Variants in PTK2 observed in about 807,000 individuals in gnomAD.
PTK2 encodes protein tyrosine kinase 2.
PTK2 carries 45 observed loss-of-function variants against 150.1 expected under a neutral mutation model. That is an observed-to-expected ratio of 0.30 (90% CI 0.24 to 0.38). The LOEUF is 0.38. Among genes scored for constraint, PTK2 ranks in the 10% least tolerant of loss-of-function variants. The pLI, the probability that PTK2 is intolerant of heterozygous loss-of-function variation, is 1.00. For synonymous variants in PTK2, 432 were observed against 449.2 expected (o/e 0.96, Z 0.48); for missense variants, 919 against 1,307.3 (o/e 0.70, Z 4.58).
intron 3 of PTK2, among the ~76,000 whole-genome samples, chr8:140,882,272 G>A (rs78380642): frequency 0.013 from 1,909 of 152,228 alleles, 20 homozygotes; most frequent in Non-Finnish European, 0.021. Flanking sequence ...ATAATTCTGA[G>A]AACTACGTAT....
chr8:140,891,590 C>T (rs77340531), intron 2 of PTK2, among the ~76,000 whole-genome samples: 4,161 of 152,208 alleles, frequency 0.027, 188 homozygotes, highest in African/African-American at 0.094. Flanking sequence ...CCTTCAGAGC[C>T]TGAAGAGACA....
intron 1 of PTK2, among the ~76,000 whole-genome samples, chr8:140,958,842 T>C (rs1035097345): frequency 6.6e-6 from 1 of 152,262 alleles, no homozygotes; most frequent in Non-Finnish European, 1.5e-5. Flanking sequence ...AATATATTTC[T>C]ATTAAACACC....
At chr8:140,675,654 G>T (rs2100013186) in intron 27 of PTK2, 155 bp from the exon 31 acceptor site, 1 of 604,304 alleles carries the variant, frequency 1.7e-6, no homozygotes, top group Middle Eastern at 3.3e-4. Context: ...GTCTCAGTTG[G>T]GGTGGGGGAT....
At chr8:140,900,522 G>A (rs2100158017) in intron 2 of PTK2, among the ~76,000 whole-genome samples, 1 of 152,114 alleles carries the variant, frequency 6.6e-6, no homozygotes. Context: ...AGGAGTTCAT[G>A]ACCAGCCTCA....
chr8:140,878,792 A>C (rs2100147170), intron 4 of PTK2, among the ~76,000 whole-genome samples: 1 of 151,820 alleles, frequency 6.6e-6, no homozygotes, highest in Non-Finnish European at 1.5e-5. Flanking sequence ...TACCTCTCAC[A>C]AATGTATTTT....
chr8:140,661,201 TAAG>T (rs2079321399), intron 31 of PTK2, among the ~76,000 whole-genome samples: 2 of 152,170 alleles, frequency 1.3e-5, no homozygotes, highest in African/African-American at 2.4e-5. Context: ...AAGAGATTTT[TAAG>T]AAGGAGAATG....
At chr8:140,890,211 T>C (rs1213071761) in intron 3 of PTK2, 1 of 222,524 alleles carries the variant, frequency 4.5e-6, no homozygotes, top group Non-Finnish European at 8.8e-6. Context: ...GTAGTTTATT[T>C]CATGACTGTT....
chr8:140,927,975 A>AAAAT, intron 1 of PTK2, among the ~76,000 whole-genome samples: 6 of 48,186 alleles, frequency 1.2e-4, no homozygotes, highest in African/African-American at 4.9e-4. Context: ...AAAAAAAAAA[A>AAAAT]ATATATATAT....
At chr8:140,963,761 A>G (rs921354743) in intron 1 of PTK2, among the ~76,000 whole-genome samples, 2 of 152,184 alleles carry the variant, frequency 1.3e-5, no homozygotes, top group African/African-American at 4.8e-5. Context: ...GGGGCATCAA[A>G]GCATACCTTC....
intron 1 of PTK2, among the ~76,000 whole-genome samples, chr8:140,993,558 T>C (rs1424312082): frequency 6.6e-6 from 1 of 152,150 alleles, no homozygotes; most frequent in Non-Finnish European, 1.5e-5. Flanking sequence ...CATAAAACTG[T>C]TAAGCTCTTT....
chr8:140,756,124 G>GACC (rs1411149943), intron 16 of PTK2, among the ~76,000 whole-genome samples: 1 of 151,250 alleles, frequency 6.6e-6, no homozygotes, highest in Non-Finnish European at 1.5e-5. Context: ...CAGGAGTTTA[G>GACC]ACCAGCCTAG....
At chr8:140,664,868 C>T in intron 31 of PTK2, 49 bp downstream of exon 35, 1 of 1,561,694 alleles carries the variant, frequency 6.4e-7, no homozygotes, top group Non-Finnish European at 8.8e-7. Context: ...TGAATGTGTC[C>T]CTGCCCAGTG....
chr8:140,846,915 T>C (rs545303269), intron 5 of PTK2, among the ~76,000 whole-genome samples: 1 of 152,264 alleles, frequency 6.6e-6, no homozygotes, highest in East Asian at 1.9e-4. Context: ...ACCTTTCATA[T>C]AGTTTACATT....
intron 5 of PTK2, among the ~76,000 whole-genome samples, chr8:140,863,933 T>C (rs1041607852): frequency 2.0e-5 from 3 of 152,248 alleles, no homozygotes; most frequent in Non-Finnish European, 4.4e-5. Context: ...TTATTGTCTA[T>C]CTAATGCCTT....
At chr8:140,954,765 C>G (rs1433903734) in intron 1 of PTK2, 16 of 152,190 alleles carry the variant, frequency 1.1e-4, no homozygotes, top group Admixed American at 9.8e-4. Flanking sequence ...CACAATAACT[C>G]TGAAGAAATC....
intron 22 of PTK2, among the ~76,000 whole-genome samples, chr8:140,722,941 G>A (rs1198648369): frequency 6.6e-6 from 1 of 152,146 alleles, no homozygotes; most frequent in Non-Finnish European, 1.5e-5. Context: ...GTTCTCATCA[G>A]GCAATGTTAT....
chr8:140,851,344 A>C (rs2100129175), intron 5 of PTK2, among the ~76,000 whole-genome samples: 1 of 152,244 alleles, frequency 6.6e-6, no homozygotes. Flanking sequence ...ACATTCATTG[A>C]TTTATCAAAT....
Position 140,830,080 on chromosome 8 carries a change from CACAT to C in PTK2, c.648+388_648+391del, listed in dbSNP as rs1226566335. The stretch of plus-strand genomic sequence containing the variant: ...CAAAATGCACTAACATGCACGCACA[CACAT>C]ACACACACACACACACACACACACA... On this transcript the variant is annotated intron_variant, in intron 8 of 31. Coordinates refer to ENST00000522684, the Ensembl canonical transcript of PTK2. Among the ~76,000 whole-genome samples, 477 of 97,000 alleles carry C rather than the reference CACAT, an allele frequency of 4.9e-3. 7 individuals carry two copies. Among genetic ancestry groups the C allele is most frequent in the African/African-American group, 0.026 (414 of 16,050 alleles). 63.6% of individuals were successfully genotyped at this position (97,000 alleles called of 152,430 possible).
intron 5 of PTK2, among the ~76,000 whole-genome samples, chr8:140,860,629 T>C (rs1469952532): frequency 1.3e-5 from 2 of 152,192 alleles, no homozygotes; most frequent in South Asian, 2.1e-4. Context: ...TGTACCACCA[T>C]GCTCTGCTAA....
Sources: allele counts gnomAD v4.1 joint callset (sites outside exome capture counted in the v4.1 genomes callset), GRCh38; gene constraint gnomAD v4.1.1; transcripts MANE v1.5; gene names NCBI Gene and HGNC (gene_info 2026-07-23, HGNC 2026-07-21).